Variants in SHOC1 observed in about 807,000 individuals in gnomAD.
The protein encoded by SHOC1 is protein shortage in chiasmata 1 ortholog.
A neutral mutation model predicts 179.2 loss-of-function variants in SHOC1; 136 were observed. The ratio of observed to expected loss-of-function variants is 0.76; its 90% CI spans 0.66 to 0.87. The LOEUF (loss-of-function observed/expected upper bound fraction) is 0.87. Among genes scored for constraint, SHOC1 ranks in the 40% least tolerant of loss-of-function variants. The pLI is 0.00. For missense variants in SHOC1, 1,538 were observed against 1,700.8 expected (o/e 0.90, Z 1.68); for synonymous variants, 489 against 586.6 (o/e 0.83, Z 2.41).
At chr9:111,700,079 CA>C in intron 23 of SHOC1, 32 bp from the exon 24 acceptor site, 2 of 1,036,340 alleles carry the variant, frequency 1.9e-6, no homozygotes, top group South Asian at 1.5e-5. Flanking sequence ...TATTTCTATT[CA>C]TTTGATATCA....
intron 18 of SHOC1, 133 bp from the exon 19 acceptor site, chr9:111,708,057 G>T: frequency 2.0e-6 from 1 of 488,296 alleles, no homozygotes; most frequent in East Asian, 3.5e-5. Context: ...CAATTTGCTA[G>T]ATTATTTTTC....
Position 111,727,839 on chromosome 9 carries a change from T to C in SHOC1, c.1628A>G (p.Lys543Arg), listed in dbSNP as rs954260223. Residue 543 changes from lysine (K) to arginine (R), a missense_variant, in exon 13 of 28, where the codon AAG (lysine) becomes AGG (arginine). Lys to Arg is a conservative substitution (Grantham distance 26). Transcript: ENST00000682961. ...TTCAAAGTGATCGTTATTTTCTTTC[T>C]TTTGGATTATTCTGTTTACTGGTTC... ...DQEPVNRIIQKKENNDHFELD... is the reference protein window; with the variant it reads ...DQEPVNRIIQRKENNDHFELD... 1 of 1,612,070 alleles carries C rather than the reference T, an allele frequency of 6.2e-7. No individual in the cohort carries two copies. The highest frequency in any genetic ancestry group is 8.5e-7 in the Non-Finnish European group (1 of 1,179,350).
intron 1 of SHOC1, among the ~76,000 whole-genome samples, chr9:111,792,097 A>G (rs572064511): frequency 6.6e-6 from 1 of 152,320 alleles, no homozygotes; most frequent in South Asian, 2.1e-4. Flanking sequence ...GCTCATTTGG[A>G]ATAAAGCAAC....
intron 15 of SHOC1, among the ~76,000 whole-genome samples, chr9:111,719,027 C>G (rs574228703): frequency 6.6e-6 from 1 of 152,078 alleles, no homozygotes; most frequent in Non-Finnish European, 1.5e-5. Context: ...AATTGATGAT[C>G]TATTCAATGA....
chr9:111,738,422 T>C lies in SHOC1; in HGVS notation c.1275A>G (p.Ala425=), dbSNP rs138809103. 1 of 1,612,498 alleles carries C rather than the reference T, an allele frequency of 6.2e-7. No homozygotes were observed. Among genetic ancestry groups the C allele is most frequent in the Non-Finnish European group, 8.5e-7 (1 of 1,179,476 alleles). ...EESLVINLEK[A]EWWKQAGLNL... ...TTAGTCCTGCTTGTTTCCACCACTC[T>C]GCCTTTTCCAGATTAATCACAAGGC... The change falls in exon 12 of 28, where the codon GCA becomes GCG. Residue 425 remains alanine, a synonymous_variant. Coordinates refer to ENST00000682961, the MANE Select transcript of SHOC1 (RefSeq NM_001378211.1).
intron 5 of SHOC1, among the ~76,000 whole-genome samples, chr9:111,774,783 G>T (rs1835766486): frequency 1.3e-5 from 2 of 151,352 alleles, no homozygotes; most frequent in South Asian, 4.2e-4. Flanking sequence ...AACAGTAAAA[G>T]AATCAAATTA....
In SHOC1 at chr9:111,691,743, T is replaced by A. The variant is rs1831436621; in HGVS notation, c.4234A>T (p.Ser1412Cys). The A allele has an allele frequency of 6.2e-7, 1 of 1,613,930 alleles. No homozygotes were observed. Among genetic ancestry groups the A allele is most frequent in the South Asian group, 1.1e-5 (1 of 91,084 alleles). Residue 1412 changes from serine (S) to cysteine (C), a missense_variant, in exon 27 of 28, where the codon AGT becomes TGT. By Grantham distance (112) the Ser-to-Cys change is moderately radical (BLOSUM62 -1). Coordinates refer to ENST00000682961, the MANE Select transcript of SHOC1 (RefSeq NM_001378211.1). ...SDESEGLTCE[S>C]SKDETFWREL... ...CTCCAGAAAGTCTCATCTTTTGAAC[T>A]TTCACATGTGAGGCCTTCAGACTCA...
chr9:111,760,936 A>G (rs1835108053), intron 5 of SHOC1, among the ~76,000 whole-genome samples: 2 of 151,544 alleles, frequency 1.3e-5, no homozygotes, highest in African/African-American at 2.4e-5. Flanking sequence ...AGAAAAAAGT[A>G]ATAAAATAGG....
At chr9:111,780,416 G>A (rs1035647067) in intron 4 of SHOC1, among the ~76,000 whole-genome samples, 6 of 152,048 alleles carry the variant, frequency 3.9e-5, no homozygotes, top group African/African-American at 1.4e-4. Context: ...TATGCTCTGG[G>A]TGCCTATCTC....
intron 8 of SHOC1, among the ~76,000 whole-genome samples, chr9:111,748,616 C>G (rs1834398645): frequency 6.6e-6 from 1 of 152,144 alleles, no homozygotes; most frequent in Admixed American, 6.5e-5. Flanking sequence ...GCCACTTTGG[C>G]TTTCTTTTTT....
At chr9:111,713,197 T>C (rs754355769) in intron 17 of SHOC1, 25 bp from the exon 18 acceptor site, 1 of 1,229,556 alleles carries the variant, frequency 8.1e-7, no homozygotes, top group East Asian at 2.4e-5. Context: ...AAATTTCATA[T>C]ATATGTGGAT....
At chr9:111,735,410 C>G (rs1833772223) in intron 12 of SHOC1, among the ~76,000 whole-genome samples, 1 of 152,136 alleles carries the variant, frequency 6.6e-6, no homozygotes, top group Non-Finnish European at 1.5e-5. Flanking sequence ...GTTCAACTCT[C>G]ACTTTTGAGT....
intron 8 of SHOC1, among the ~76,000 whole-genome samples, chr9:111,749,557 T>C (rs1386862518): frequency 6.6e-6 from 1 of 152,178 alleles, no homozygotes; most frequent in Non-Finnish European, 1.5e-5. Flanking sequence ...GTACAGGATG[T>C]GCACGTTTGT....
rs560948736 is a variant in SHOC1, at chr9:111,710,394, C to T, written c.2489-2470G>A. ...TTAAAATATTAGTTAACTTCCTGCA[C>T]CGATGAGCAGATCTATGTGGCTATA... On this transcript the variant is annotated intron_variant, in intron 18 of 27. Coordinates refer to ENST00000682961, the MANE Select transcript of SHOC1 (RefSeq NM_001378211.1). Among the ~76,000 whole-genome samples the T allele has an allele frequency of 8.4e-4, 128 of 152,246 alleles. 1 individual carries two copies. The Middle Eastern group carries it at 0.02, about 24-fold the overall frequency.
intron 10 of SHOC1, 92 bp from the exon 11 acceptor site, chr9:111,741,662 C>CT (rs1484356635): frequency 1.6e-5 from 10 of 615,910 alleles, no homozygotes; most frequent in Non-Finnish European, 2.6e-5. Flanking sequence ...GAGGCAGAGT[C>CT]TCGCTCTGTC....
At chr9:111,791,524 A>G (rs1489028775) in intron 1 of SHOC1, 70 bp from the exon 2 acceptor site, 1 of 622,482 alleles carries the variant, frequency 1.6e-6, no homozygotes, top group African/African-American at 1.9e-5. Flanking sequence ...CTCAATCACA[A>G]AACTTTGGTT....
chr9:111,728,052 G>A lies in SHOC1; in HGVS notation c.1418-3C>T, dbSNP rs749067589. 18 of 1,549,892 alleles carry A rather than the reference G, an allele frequency of 1.2e-5. No individual in the cohort carries two copies. The East Asian group carries it at 4.1e-4, about 35-fold the overall frequency. ...ATGACTTTTATGTTCTAGACATGCTGAAAACAGAAAATAACAACACACAAG... is the reference window on the plus strand; with the variant it reads ...ATGACTTTTATGTTCTAGACATGCTAAAAACAGAAAATAACAACACACAAG... On this transcript the variant is annotated splice_region_variant and splice_polypyrimidine_tract_variant and intron_variant, in intron 12 of 27. Transcript: ENST00000682961.
intron 5 of SHOC1, among the ~76,000 whole-genome samples, chr9:111,768,760 C>T (rs565354035): frequency 3.5e-4 from 53 of 152,228 alleles, no homozygotes; most frequent in African/African-American, 1.2e-3. Flanking sequence ...ATTTCTTTCT[C>T]TTGCTCAATT....
intron 16 of SHOC1, among the ~76,000 whole-genome samples, chr9:111,715,221 G>A (rs1330223775): frequency 6.6e-6 from 1 of 152,088 alleles, no homozygotes; most frequent in African/African-American, 2.4e-5. Context: ...AAAGCTCTCC[G>A]TGTGATTCTG....
Sources: gnomAD v4.1 joint callset for allele counts (sites outside exome capture counted in the v4.1 genomes callset) on GRCh38, gnomAD v4.1.1 for gene constraint, MANE v1.5 for transcripts, NCBI Gene and HGNC (gene_info 2026-07-23, HGNC 2026-07-21) for gene names.